Variants in LUZP2 observed in about 807,000 individuals in gnomAD.
The protein encoded by LUZP2 is leucine zipper protein 2.
LUZP2 carries 52 observed loss-of-function variants against 51.6 expected under a neutral mutation model. The ratio of observed to expected loss-of-function variants is 1.01; its 90% CI spans 0.81 to 1.27. LUZP2 has a LOEUF of 1.27. LUZP2 is among the 50% of genes most tolerant of loss of function. The pLI is 0.00. For missense variants in LUZP2, 436 were observed against 395.4 expected, an observed-to-expected ratio of 1.10 and a Z score of -0.87; for synonymous variants, 154 against 137.3, an observed-to-expected ratio of 1.12 and a Z score of -0.85.
intron 9 of LUZP2, among the ~76,000 whole-genome samples, chr11:25,012,585 A>G (rs1424774765): frequency 6.6e-6 from 1 of 152,198 alleles, no homozygotes; most frequent in Non-Finnish European, 1.5e-5. Flanking sequence ...CCTTAGTCTT[A>G]TTAAGCTTTT....
chr11:24,842,809 T>A (rs1851079605), intron 5 of LUZP2, among the ~76,000 whole-genome samples: 1 of 151,826 alleles, frequency 6.6e-6, no homozygotes, highest in Non-Finnish European at 1.5e-5. Flanking sequence ...AAAAGTAAAT[T>A]TACATTGTTA....
Position 24,602,286 on chromosome 11 carries a change from A to ATGTG in LUZP2, c.62+104982_62+104983insGTGT, listed in dbSNP as rs1853748307. 2.7e-4 allele frequency among the ~76,000 whole-genome samples: 30 copies of ATGTG among 111,894 alleles called. 1 individual carries two copies. The highest frequency in any genetic ancestry group is 1.1e-3 in the African/African-American group (30 of 27,606). The allele number at this position is 111,894 out of a possible 152,430, so 73.4% of individuals were successfully genotyped here. On this transcript the variant is annotated intron_variant, in intron 1 of 11. Transcript: ENST00000336930. ...TATATGTACATACATATATACACAC[A>ATGTG]TATATATGTACATACATATATACAC...
intron 1 of LUZP2, among the ~76,000 whole-genome samples, chr11:24,630,500 A>G (rs898021764): frequency 2.6e-5 from 4 of 151,886 alleles, no homozygotes; most frequent in African/African-American, 4.8e-5. Context: ...GTTGGCTTTA[A>G]ATATGTTGCT....
At chr11:24,878,606 T>C (rs3992976) in intron 5 of LUZP2, among the ~76,000 whole-genome samples, 73,531 of 151,554 alleles carry the variant, frequency 0.49, 18,248 homozygotes, top group East Asian at 0.69. Flanking sequence ...TTGAGAAGTT[T>C]TCTGTTATTA....
At chr11:24,962,430 A>G (rs976304874) in intron 7 of LUZP2, among the ~76,000 whole-genome samples, 7 of 152,258 alleles carry the variant, frequency 4.6e-5, no homozygotes, top group African/African-American at 2.4e-5. Flanking sequence ...GTTTTTTCAC[A>G]TAGTCCCATA....
chr11:24,764,490 TAAA>T (rs869045272), intron 5 of LUZP2, among the ~76,000 whole-genome samples: 48,887 of 93,292 alleles, frequency 0.52, 12,966 homozygotes, highest in Non-Finnish European at 0.61. Flanking sequence ...ATCTCATCTC[TAAA>T]AAAAAAAAAA....
chr11:24,820,493 C>A (rs1399661389), intron 5 of LUZP2, among the ~76,000 whole-genome samples: 2 of 151,964 alleles, frequency 1.3e-5, no homozygotes, highest in Non-Finnish European at 2.9e-5. Context: ...ATAAAGGATG[C>A]CCTTGTTTAG....
chr11:24,669,407 T>G (rs868234376), intron 1 of LUZP2, among the ~76,000 whole-genome samples: 2 of 152,152 alleles, frequency 1.3e-5, no homozygotes, highest in Non-Finnish European at 1.5e-5. Flanking sequence ...GCCTGCCGAA[T>G]GCTTTCCTAA....
At chr11:24,599,358 G>GC (rs765521980) in intron 1 of LUZP2, among the ~76,000 whole-genome samples, 2 of 151,784 alleles carry the variant, frequency 1.3e-5, no homozygotes, top group Non-Finnish European at 2.9e-5. Context: ...TACCATCACT[G>GC]CCCCGAGATC....
At chr11:24,642,912 T>G (rs1488236094) in intron 1 of LUZP2, among the ~76,000 whole-genome samples, 2 of 152,034 alleles carry the variant, frequency 1.3e-5, no homozygotes, top group Non-Finnish European at 2.9e-5. Context: ...AGTGGGAGAT[T>G]GTTGCTAAAC....
chr11:24,771,688 CT>C (rs998604955), intron 5 of LUZP2, among the ~76,000 whole-genome samples: 1 of 151,970 alleles, frequency 6.6e-6, no homozygotes, highest in Non-Finnish European at 1.5e-5. Context: ...CAAATCTCAC[CT>C]TAATTTGTAA....
chr11:24,936,158 TA>T (rs1436225211), intron 7 of LUZP2, among the ~76,000 whole-genome samples: 2 of 152,128 alleles, frequency 1.3e-5, no homozygotes, highest in Non-Finnish European at 2.9e-5. Context: ...AACAATTTTT[TA>T]AAAGTTCACA....
chr11:24,764,489 CTAA>C (rs1391489218), intron 5 of LUZP2, among the ~76,000 whole-genome samples: 53 of 56,418 alleles, frequency 9.4e-4, no homozygotes, highest in Admixed American at 2.5e-3. Context: ...AATCTCATCT[CTAA>C]AAAAAAAAAA....
chr11:24,783,696 C>T (rs2134079215), intron 5 of LUZP2, among the ~76,000 whole-genome samples: 1 of 151,918 alleles, frequency 6.6e-6, no homozygotes, highest in South Asian at 2.1e-4. Context: ...GAGAACTGAC[C>T]CTACTGTTTG....
At chr11:24,890,290 TCTA>T (rs1445097656) in intron 5 of LUZP2, among the ~76,000 whole-genome samples, 3 of 152,190 alleles carry the variant, frequency 2.0e-5, no homozygotes, top group Non-Finnish European at 4.4e-5. Context: ...AAATAATTAT[TCTA>T]CTGTTTATCA....
chr11:24,973,058 G>GT (rs71044327), intron 7 of LUZP2, among the ~76,000 whole-genome samples: 13,090 of 135,488 alleles, frequency 0.097, 1,862 homozygotes, highest in African/African-American at 0.31. Flanking sequence ...CTGGTCCTGG[G>GT]TTTTTTTTTT....
chr11:25,034,343 T>A (rs1857786132), intron 9 of LUZP2, among the ~76,000 whole-genome samples: 1 of 152,146 alleles, frequency 6.6e-6, no homozygotes, highest in South Asian at 2.1e-4. Flanking sequence ...AGATGCCTAG[T>A]TTACAAATAT....
At chr11:24,508,076 A>G (rs2133768457) in intron 1 of LUZP2, among the ~76,000 whole-genome samples, 1 of 152,212 alleles carries the variant, frequency 6.6e-6, no homozygotes, top group Middle Eastern at 3.4e-3. Flanking sequence ...TGAGGTGATT[A>G]CTGATGTTGC....
chr11:24,948,563 G>A (rs1854966170), intron 7 of LUZP2, among the ~76,000 whole-genome samples: 1 of 151,558 alleles, frequency 6.6e-6, no homozygotes, highest in African/African-American at 2.4e-5. Context: ...ACTAAAGCAT[G>A]CTATTCACAG....
Sources: gnomAD v4.1 joint callset for allele counts (sites outside exome capture counted in the v4.1 genomes callset) on GRCh38, gnomAD v4.1.1 for gene constraint, MANE v1.5 for transcripts, NCBI Gene and HGNC (gene_info 2026-07-23, HGNC 2026-07-21) for gene names.